The following HSPBAP1 variants were observed in gnomAD, a reference collection of about 807,000 sequenced individuals.
HSPBAP1 encodes the protein HSPB1-associated protein 1.
In HSPBAP1, 27 loss-of-function variants were observed where a neutral mutation model predicts 45.2. The observed-to-expected ratio is 0.60, with a 90% confidence interval of 0.44 to 0.82. The LOEUF is 0.82. Among genes scored for constraint, HSPBAP1 ranks in the 40% least tolerant of loss-of-function variants. The pLI is 0.00. For missense variants in HSPBAP1, 510 were observed against 590.9 expected (o/e 0.86, Z 1.42); for synonymous variants, 204 against 202.7 (o/e 1.01, Z -0.06).
At chr3:122,741,666 C>A (rs13085939) in intron 6 of HSPBAP1, 1 of 152,752 alleles carries the variant, frequency 6.5e-6, no homozygotes, top group African/African-American at 2.4e-5. Flanking sequence ...ATGCCTGTAA[C>A]ATATATAACT....
intron 1 of HSPBAP1, among the ~76,000 whole-genome samples, chr3:122,791,980 G>A (rs1935844251): frequency 6.6e-6 from 1 of 152,222 alleles, no homozygotes; most frequent in South Asian, 2.1e-4. Flanking sequence ...TAGTTGAGGT[G>A]AGAAAATGTG....
chr3:122,747,517 C>T (rs1933930717), intron 6 of HSPBAP1, among the ~76,000 whole-genome samples: 2 of 151,166 alleles, frequency 1.3e-5, no homozygotes, highest in Admixed American at 6.6e-5. Context: ...CGGCCAGCCG[C>T]CCCGTCTCGG....
At chr3:122,752,786 A>C in intron 5 of HSPBAP1, 112 bp from the exon 6 acceptor site, 2 of 1,393,532 alleles carry the variant, frequency 1.4e-6, no homozygotes, top group Non-Finnish European at 9.4e-7. Flanking sequence ...ATGAATTCAC[A>C]ATAATATTGC....
intron 3 of HSPBAP1, among the ~76,000 whole-genome samples, chr3:122,766,504 G>A (rs572263666): frequency 2.6e-4 from 40 of 152,188 alleles, no homozygotes; most frequent in Non-Finnish European, 5.1e-4. Context: ...TTTTATAAGG[G>A]CTCAGTCAGA....
chr3:122,764,112 C>CAA (rs1250685742), intron 3 of HSPBAP1, among the ~76,000 whole-genome samples: 2 of 152,220 alleles, frequency 1.3e-5, no homozygotes, highest in Admixed American at 1.3e-4. Flanking sequence ...AAATGGTAAG[C>CAA]AACACAGAAC....
rs1304642456 is a variant in HSPBAP1, at chr3:122,754,904, A to G, written c.741+356T>C. On this transcript the variant is annotated intron_variant, in intron 5 of 7. Coordinates refer to ENST00000306103, the MANE Select transcript of HSPBAP1 (RefSeq NM_024610.6). Reference sequence around the variant, plus strand: ...GTTCAGTGCTATCATAATTGAACAGATACTAACTGTGATTAAATGTTCCAG... The same window carrying G: ...GTTCAGTGCTATCATAATTGAACAGGTACTAACTGTGATTAAATGTTCCAG... The G allele has an allele frequency of 9.0e-6, 9 of 1,004,686 alleles. No homozygotes were observed. In the East Asian group the frequency reaches 5.0e-4, roughly 56 times the overall value. The allele number at this position is 1,004,686 out of a possible 1,614,324, so 62.2% of individuals were successfully genotyped here.
Position 122,766,783 on chromosome 3 carries a change from G to T in HSPBAP1, c.432+1918C>A, listed in dbSNP as rs751079937. Among the ~76,000 whole-genome samples, 10 of 152,198 alleles carry T rather than the reference G, an allele frequency of 6.6e-5. 1 individual carries two copies. The highest frequency in any genetic ancestry group is 4.1e-4 in the South Asian group (2 of 4,838). ...CTATTTGGGTTACCCCTTCCTTGTTGTATAATCTTAGAAAAGGTTTACTTA... is the reference window on the plus strand; with the variant it reads ...CTATTTGGGTTACCCCTTCCTTGTTTTATAATCTTAGAAAAGGTTTACTTA... On this transcript the variant is annotated intron_variant, in intron 3 of 7. Transcript: ENST00000306103.
chr3:122,765,582 A>G (rs1198073032), intron 3 of HSPBAP1, among the ~76,000 whole-genome samples: 1 of 147,266 alleles, frequency 6.8e-6, no homozygotes, highest in Non-Finnish European at 1.5e-5. Flanking sequence ...CTCTGTCTCA[A>G]AAAAAAAAAA....
intron 2 of HSPBAP1, among the ~76,000 whole-genome samples, chr3:122,775,350 T>A (rs1935155470): frequency 1.3e-5 from 2 of 152,138 alleles, no homozygotes; most frequent in African/African-American, 4.8e-5. Flanking sequence ...TAGACATTTT[T>A]CCAAAGAAGA....
At chr3:122,747,696 C>T (rs1305150351) in intron 6 of HSPBAP1, among the ~76,000 whole-genome samples, 31 of 143,486 alleles carry the variant, frequency 2.2e-4, no homozygotes, top group Admixed American at 5.5e-4. Flanking sequence ...TCTGCCCAGC[C>T]GCCCCTACTG....
In HSPBAP1 at chr3:122,740,357, T is replaced by C. The variant is rs1298228065; in HGVS notation, c.1455A>G (p.Gly485=). The C allele has an allele frequency of 3.1e-6, 5 of 1,599,772 alleles. No individual in the cohort carries two copies. The highest frequency in any genetic ancestry group is 4.3e-6 in the Non-Finnish European group (5 of 1,169,332). The change falls in exon 8 of 8, where the codon GGA becomes GGG. Residue 485 remains glycine, a synonymous_variant. Transcript: ENST00000306103. The part of the protein sequence containing the change: ...TRIVAQLLIQ[G]RSL ...TCTTCCACTTGAATCATAAACTTCT[T>C]CCTTGTATCAAAAGTTGTGCCACTA...
intron 4 of HSPBAP1, among the ~76,000 whole-genome samples, chr3:122,756,889 C>T (rs1002137889): frequency 6.6e-6 from 1 of 152,096 alleles, no homozygotes; most frequent in Non-Finnish European, 1.5e-5. Context: ...TATTGATATG[C>T]TTCGAATGTT....
intron 2 of HSPBAP1, among the ~76,000 whole-genome samples, chr3:122,770,445 T>A (rs1301120344): frequency 2.6e-5 from 4 of 152,172 alleles, no homozygotes; most frequent in Non-Finnish European, 5.9e-5. Flanking sequence ...ATGCCTATAA[T>A]CCCAGCACTT....
In HSPBAP1 at chr3:122,740,385, C is replaced by CTG; in HGVS notation, c.1425_1426dup (p.Arg476ThrfsTer3). On this transcript the variant is annotated frameshift_variant, in exon 8 of 8. Transcript: ENST00000306103. LOFTEE classifies it high-confidence loss of function. ...TTGTATCAAAAGTTGTGCCACTATC[C>CTG]TGGTTACTTGTGGATTCACCAAGCA... 2.5e-6 allele frequency: 4 copies of CTG among 1,613,172 alleles called. No individual in the cohort carries two copies. Among genetic ancestry groups the CTG allele is most frequent in the Non-Finnish European group, 3.4e-6 (4 of 1,179,190 alleles).
chr3:122,784,835 C>G (rs1935600861), intron 1 of HSPBAP1, among the ~76,000 whole-genome samples: 1 of 152,240 alleles, frequency 6.6e-6, no homozygotes, highest in South Asian at 2.1e-4. Flanking sequence ...ATTTTGAACA[C>G]AGGCATCATA....
chr3:122,789,059 A>T (rs998883108), intron 1 of HSPBAP1, among the ~76,000 whole-genome samples: 22 of 152,192 alleles, frequency 1.4e-4, no homozygotes, highest in Admixed American at 1.4e-3. Flanking sequence ...CTAACATGGG[A>T]ATTTTTTACT....
chr3:122,789,448 A>T (rs1935754674), intron 1 of HSPBAP1, among the ~76,000 whole-genome samples: 1 of 152,252 alleles, frequency 6.6e-6, no homozygotes. Flanking sequence ...TCTGAGAGTA[A>T]CATTTCACAT....
chr3:122,790,628 A>G (rs1213813371), intron 1 of HSPBAP1, among the ~76,000 whole-genome samples: 1 of 152,174 alleles, frequency 6.6e-6, no homozygotes, highest in East Asian at 1.9e-4. Context: ...CCACATGAAA[A>G]AGGTCTGTTT....
intron 6 of HSPBAP1, among the ~76,000 whole-genome samples, chr3:122,751,406 T>C (rs1318863617): frequency 6.6e-6 from 1 of 152,186 alleles, no homozygotes; most frequent in Admixed American, 6.5e-5. Flanking sequence ...AAAGGTAACC[T>C]GTATCTTAAA....
Sources: gnomAD v4.1 joint callset for allele counts (sites outside exome capture counted in the v4.1 genomes callset) on GRCh38, gnomAD v4.1.1 for gene constraint, MANE v1.5 for transcripts, NCBI Gene and HGNC (gene_info 2026-07-23, HGNC 2026-07-21) for gene names.